TMEM225B: variants seen among roughly 807,000 people sequenced by gnomAD.
TMEM225B encodes transmembrane protein 225-like.
A neutral mutation model predicts 16.9 loss-of-function variants in TMEM225B; 10 were observed. The observed-to-expected ratio is 0.59, with a 90% CI of 0.36 to 1.00. TMEM225B has a LOEUF of 1.00. TMEM225B is among the 50% of genes least tolerant of loss of function. The probability of loss-of-function intolerance (pLI) is 0.01; values close to 1 mark genes in which losing one functional copy is unlikely to be tolerated. For synonymous variants in TMEM225B, 92 were observed against 109.8 expected (o/e 0.84, Z 1.01); for missense variants, 217 against 267.0 (o/e 0.81, Z 1.30).
intron 4 of TMEM225B, 132 bp from the exon 5 acceptor site, chr7:99,607,541 T>G (rs932074522): frequency 4.2e-5 from 34 of 801,678 alleles, no homozygotes; most frequent in Non-Finnish European, 6.1e-5. Flanking sequence ...GACAGGCATC[T>G]GGGTAGGAGT....
Position 99,598,293 on chromosome 7 carries a change from G to A in TMEM225B, c.-173G>A, listed in dbSNP as rs964106296. The A allele has an allele frequency of 2.0e-5, 3 of 152,476 alleles. No individual in the cohort carries two copies. The highest frequency in any genetic ancestry group is 4.1e-4 in the South Asian group (2 of 4,832). The allele number at this position is 152,476 out of a possible 1,614,324, so 9.4% of individuals were successfully genotyped here. On this transcript the variant is annotated 5_prime_UTR_variant, in exon 1 of 6. Coordinates refer to ENST00000431679, the MANE Select transcript of TMEM225B (RefSeq NM_001195541.3). ...ACGGAAGCTCCAGGAGCGCGGTGGA[G>A]CCTGGAGTGGAGGGCGAGGGTCCCA...
At position 99,604,757 on chromosome 7, in the gene TMEM225B, G is replaced by A. The variant is rs1047140132; in HGVS notation, c.208+161G>A. Among the ~76,000 whole-genome samples the A allele has an allele frequency of 1.8e-4, 27 of 152,276 alleles. 1 individual carries two copies. Among genetic ancestry groups the A allele is most frequent in the Non-Finnish European group, 1.6e-4 (11 of 68,036 alleles). On this transcript the variant is annotated intron_variant, in intron 3 of 5. Transcript: ENST00000431679. Reference sequence around the variant, plus strand: ...ACTTGTAATCCCAGCACTCTGGGAGGCCGAAGCGAGAGGATTGCTTGAGGC... The same window carrying A: ...ACTTGTAATCCCAGCACTCTGGGAGACCGAAGCGAGAGGATTGCTTGAGGC...
chr7:99,608,698 G>A (rs1584322180), intron 5 of TMEM225B, among the ~76,000 whole-genome samples: 1 of 138,660 alleles, frequency 7.2e-6, no homozygotes, highest in African/African-American at 2.9e-5. Context: ...TGCCACCATG[G>A]CCAGCTAGTT....
chr7:99,604,446 T>A lies in TMEM225B; in HGVS notation c.58T>A (p.Leu20Ile), dbSNP rs1404062529. The change falls in exon 3 of 6, where the codon TTA (leucine) becomes ATA (isoleucine). Residue 20 changes from leucine to isoleucine, a missense_variant. Coordinates refer to ENST00000431679, the MANE Select transcript of TMEM225B (RefSeq NM_001195541.3). ...KGFSWAIVPA[L>I]TSLGYLIILV... The stretch of plus-strand genomic sequence containing the variant: ...ATTCTCCTGGGCCATAGTCCCAGCC[T>A]TAACCTCCCTAGGCTACCTGATTAT... The A allele has an allele frequency of 6.5e-7, 1 of 1,536,006 alleles. No homozygotes were observed. The highest frequency in any genetic ancestry group is 8.7e-7 in the Non-Finnish European group (1 of 1,146,910).
At chr7:99,602,856 G>A (rs1805479150) in intron 2 of TMEM225B, among the ~76,000 whole-genome samples, 1 of 152,146 alleles carries the variant, frequency 6.6e-6, no homozygotes, top group Admixed American at 6.6e-5. Context: ...GGGAACTACA[G>A]ACAGGCACAT....
chr7:99,606,644 G>T (rs1805832772), intron 3 of TMEM225B, 104 bp from the exon 4 acceptor site: 2 of 1,040,298 alleles, frequency 1.9e-6, no homozygotes, highest in South Asian at 3.3e-5. Context: ...TGGGATCTAA[G>T]GGTGGTGGAG....
At chr7:99,598,553 T>TG (rs1284608298) in intron 1 of TMEM225B, among the ~76,000 whole-genome samples, 172 bp downstream of exon 1, 1 of 152,096 alleles carries the variant, frequency 6.6e-6, no homozygotes, top group East Asian at 1.9e-4. Flanking sequence ...GGGCCCAGCT[T>TG]GGGGTCTTGA....
At chr7:99,602,542 A>T (rs913948730) in intron 2 of TMEM225B, among the ~76,000 whole-genome samples, 7 of 152,038 alleles carry the variant, frequency 4.6e-5, no homozygotes, top group Non-Finnish European at 8.8e-5. Flanking sequence ...ATCCTTCCTT[A>T]TCCTTAGGCA....
In TMEM225B at chr7:99,607,764, G is replaced by C. The variant is rs1382186397; in HGVS notation, c.447G>C (p.Trp149Cys). 6.5e-7 allele frequency: 1 copy of C among 1,536,120 alleles called. No individual in the cohort carries two copies. Among genetic ancestry groups the C allele is most frequent in the Non-Finnish European group, 8.7e-7 (1 of 1,146,912 alleles). The change falls in exon 5 of 6, where the codon TGG (tryptophan) becomes TGC (cysteine). Residue 149 changes from tryptophan (W) to cysteine (C), a missense_variant. By Grantham distance (215) the Trp-to-Cys change is radical (BLOSUM62 -2). Transcript: ENST00000431679. ...KLGPLQFSVLWPYYVLGFGIF... is the reference protein window; with the variant it reads ...KLGPLQFSVLCPYYVLGFGIF... The stretch of plus-strand genomic sequence containing the variant: ...GCCCCCTGCAGTTCTCCGTGCTGTG[G>C]CCTTACTACGTGCTGGGCTTCGGCA...
At chr7:99,607,899 A>C (rs760083812) in intron 5 of TMEM225B, 89 bp downstream of exon 5, 2 of 1,382,528 alleles carry the variant, frequency 1.4e-6, no homozygotes, top group Non-Finnish European at 9.6e-7. Flanking sequence ...TGGATTCTCT[A>C]GAATTGCACT....
intron 3 of TMEM225B, 55 bp downstream of exon 3, chr7:99,604,651 A>G (rs1805643421): frequency 7.2e-7 from 1 of 1,388,896 alleles, no homozygotes; most frequent in Admixed American, 2.0e-5. Context: ...CAGTGTTGGG[A>G]CAGAGGTGGG....
Position 99,610,716 on chromosome 7 carries a change from G to A in TMEM225B, c.*151G>A, listed in dbSNP as rs1178673858. 1 of 576,746 alleles carries A rather than the reference G, an allele frequency of 1.7e-6. No homozygotes were observed. Among genetic ancestry groups the A allele is most frequent in the Non-Finnish European group, 2.9e-6 (1 of 341,166 alleles). 35.7% of individuals were successfully genotyped at this position (576,746 alleles called of 1,614,324 possible). ...CTCTCCACCTCCCCATACTCACAGTGATTCTATCTTGCTTGTATGTGAAAT... is the reference window on the plus strand; with the variant it reads ...CTCTCCACCTCCCCATACTCACAGTAATTCTATCTTGCTTGTATGTGAAAT... On this transcript the variant is annotated 3_prime_UTR_variant, in exon 6 of 6. Coordinates refer to ENST00000431679, the MANE Select transcript of TMEM225B (RefSeq NM_001195541.3).
chr7:99,599,310 G>C (rs956037655), intron 1 of TMEM225B, among the ~76,000 whole-genome samples: 1 of 152,020 alleles, frequency 6.6e-6, no homozygotes, highest in Non-Finnish European at 1.5e-5. Context: ...TTGGCCAGAC[G>C]TGGGGCCTCA....
chr7:99,602,315 G>T lies in TMEM225B; in HGVS notation c.-4+2030G>T, dbSNP rs1005932553. 3.3e-5 allele frequency among the ~76,000 whole-genome samples: 5 copies of T among 152,320 alleles called. No individual in the cohort carries two copies. The South Asian group carries it at 1.0e-3, about 32-fold the overall frequency. ...CACAGACAGAGGGGAAAGCAGATTC[G>T]TTGAAACAATTTGTCCTGAAGTTGG... On this transcript the variant is annotated intron_variant, in intron 2 of 5. Coordinates refer to ENST00000431679, the MANE Select transcript of TMEM225B (RefSeq NM_001195541.3).
At chr7:99,606,724 G>T (rs933739073) in intron 3 of TMEM225B, 24 bp from the exon 4 acceptor site, 3 of 1,535,022 alleles carry the variant, frequency 2.0e-6, no homozygotes, top group Non-Finnish European at 2.6e-6. Flanking sequence ...CCCAGCTTCA[G>T]CCCCACTTCT....
chr7:99,606,775 T>C lies in TMEM225B; in HGVS notation c.236T>C (p.Leu79Pro). ...TACATCATCCTCGGCCGGGTTTTCC[T>C]GCTCTCTGCAGTTTTCTTGGCTTTC... The part of the protein sequence containing the change: ...SIYIILGRVF[L>P]LSAVFLAFVT... Residue 79 changes from leucine to proline, a missense_variant, in exon 4 of 6, where the codon CTG becomes CCG. By Grantham distance (98) the Leu-to-Pro change is moderately conservative. Transcript: ENST00000431679. 3 of 1,536,138 alleles carry C rather than the reference T, an allele frequency of 2.0e-6. No individual in the cohort carries two copies. Among genetic ancestry groups the C allele is most frequent in the Non-Finnish European group, 2.6e-6 (3 of 1,146,898 alleles).
chr7:99,603,758 AT>A (rs58835664), intron 2 of TMEM225B, among the ~76,000 whole-genome samples: 38,452 of 143,698 alleles, frequency 0.27, 10,139 homozygotes, highest in African/African-American at 0.69. Context: ...AAATTATTTA[AT>A]TTTTTTTTTT....
At chr7:99,605,570 A>C (rs1199089797) in intron 3 of TMEM225B, 1 of 151,198 alleles carries the variant, frequency 6.6e-6, no homozygotes, top group African/African-American at 2.4e-5. Context: ...TTGGGACTAC[A>C]GGTGCGCACC....
In TMEM225B at chr7:99,610,644, T is replaced by A. The variant is rs1806268286; in HGVS notation, c.*79T>A. ...GCTGTTTGTAGTCCTCCCCACCCTC[T>A]CTGCCAGTATCTGTGCCTTTGAGGA... is the stretch of plus-strand genomic sequence containing the variant. On this transcript the variant is annotated 3_prime_UTR_variant, in exon 6 of 6. Transcript: ENST00000431679. 7.9e-7 allele frequency: 1 copy of A among 1,266,584 alleles called. No individual in the cohort carries two copies. The highest frequency in any genetic ancestry group is 2.5e-5 in the East Asian group (1 of 39,298). The allele number at this position is 1,266,584 out of a possible 1,614,324, so 78.5% of individuals were successfully genotyped here. A position where few individuals can be genotyped will look rare whatever the true frequency, so the allele number is the denominator to read the frequency against.
Sources: gnomAD v4.1 joint callset for allele counts (sites outside exome capture counted in the v4.1 genomes callset) on GRCh38, gnomAD v4.1.1 for gene constraint, MANE v1.5 for transcripts, NCBI Gene and HGNC (gene_info 2026-07-23, HGNC 2026-07-21) for gene names.